The following PDE1B variants were observed in gnomAD, a reference collection of about 807,000 sequenced individuals.
PDE1B encodes dual specificity calcium/calmodulin-dependent 3',5'-cyclic nucleotide phosphodiesterase 1B.
PDE1B carries 13 observed loss-of-function variants against 66.7 expected under a neutral mutation model. The observed-to-expected ratio is 0.19, with a 90% confidence interval of 0.13 to 0.31. The LOEUF (loss-of-function observed/expected upper bound fraction) is 0.31, where lower values mean the gene tolerates loss of function less well. PDE1B is among the 10% of genes least tolerant of loss of function. The probability of loss-of-function intolerance (pLI) is 1.00; values close to 1 mark genes in which losing one functional copy is unlikely to be tolerated. For synonymous variants in PDE1B, 230 were observed against 253.9 expected (o/e 0.91, Z 0.90); for missense variants, 485 against 682.3 (o/e 0.71, Z 3.22).
intron 3 of PDE1B, among the ~76,000 whole-genome samples, chr12:54,568,735 G>T (rs1370175023): frequency 6.6e-6 from 1 of 151,962 alleles, no homozygotes; most frequent in Non-Finnish European, 1.5e-5. Flanking sequence ...GGCGGAGGTT[G>T]CAGTGAGCCA....
chr12:54,555,497 T>A (rs532310167), intron 2 of PDE1B, among the ~76,000 whole-genome samples: 3 of 152,228 alleles, frequency 2.0e-5, no homozygotes, highest in African/African-American at 7.2e-5. Context: ...GAAGGCCAGG[T>A]GAGATGCTCA....
At chr12:54,556,205 A>G (rs1383413188) in intron 2 of PDE1B, among the ~76,000 whole-genome samples, 1 of 152,194 alleles carries the variant, frequency 6.6e-6, no homozygotes, top group East Asian at 1.9e-4. Flanking sequence ...GGACAAAACC[A>G]GGACAGCAGG....
intron 2 of PDE1B, among the ~76,000 whole-genome samples, chr12:54,558,127 G>C (rs1957364256): frequency 6.6e-6 from 1 of 152,120 alleles, no homozygotes; most frequent in South Asian, 2.1e-4. Context: ...CTGGTCAGAA[G>C]GCACAGGCAC....
intron 2 of PDE1B, among the ~76,000 whole-genome samples, chr12:54,559,781 T>C (rs142861199): frequency 2.3e-4 from 35 of 152,180 alleles, no homozygotes; most frequent in Middle Eastern, 3.4e-3. Flanking sequence ...TTGGCTAGAG[T>C]GGCAGGGTCT....
intron 3 of PDE1B, among the ~76,000 whole-genome samples, chr12:54,568,342 G>A (rs1402202453): frequency 2.0e-5 from 3 of 151,900 alleles, no homozygotes; most frequent in Non-Finnish European, 4.4e-5. Context: ...TGCATCTGTA[G>A]TCCCAGCTAC....
At chr12:54,570,773 T>G (rs1036083362) in intron 6 of PDE1B, 1 of 191,804 alleles carries the variant, frequency 5.2e-6, no homozygotes, top group African/African-American at 2.3e-5. Flanking sequence ...CTGGTCTCTG[T>G]GCAAGGAATT....
intron 2 of PDE1B, among the ~76,000 whole-genome samples, chr12:54,553,158 C>G (rs1388077229): frequency 4.0e-5 from 3 of 75,870 alleles, no homozygotes; most frequent in Non-Finnish European, 9.1e-5. Context: ...TCTGTATTCC[C>G]TGTTTTGCTA....
chr12:54,570,547 A>C, intron 6 of PDE1B, 190 bp downstream of exon 6: 2 of 570,406 alleles, frequency 3.5e-6, no homozygotes, highest in Non-Finnish European at 6.3e-6. Flanking sequence ...GACTTCATTA[A>C]TTGATTTCTA....
chr12:54,573,101 A>C lies in PDE1B; in HGVS notation c.736-47A>C. The C allele has an allele frequency of 4.3e-6, 6 of 1,379,814 alleles. No homozygotes were observed. Among genetic ancestry groups the C allele is most frequent in the Non-Finnish European group, 6.2e-6 (6 of 966,744 alleles). The allele number at this position is 1,379,814 out of a possible 1,614,324, so 85.5% of individuals were successfully genotyped here. A position where few individuals can be genotyped will look rare whatever the true frequency, so the allele number is the denominator to read the frequency against. ...TGTGTGTGGAGGTTCCTGGGAAGTG[A>C]CCAGCAGGCGTCACCCCTCTCTCAT... On this transcript the variant is annotated intron_variant, in intron 7 of 15. Transcript: ENST00000243052. This position sits in a 1 kb window ranked among gnomAD's most constrained non-coding sequence, Gnocchi z 5.2.
At chr12:54,560,882 C>G (rs1267443403) in intron 2 of PDE1B, among the ~76,000 whole-genome samples, 1 of 152,090 alleles carries the variant, frequency 6.6e-6, no homozygotes, top group African/African-American at 2.4e-5. Flanking sequence ...TTTCTATGAG[C>G]GAGTTCTCTT....
intron 2 of PDE1B, among the ~76,000 whole-genome samples, chr12:54,553,141 A>G (rs953923563): frequency 6.9e-6 from 1 of 144,820 alleles, no homozygotes; most frequent in African/African-American, 2.6e-5. Context: ...GTAGAGAGGC[A>G]GGGGGCTCTG....
At position 54,575,684 on chromosome 12, in the gene PDE1B, T is replaced by C. The variant is rs753888083; in HGVS notation, c.1267+52T>C. On this transcript the variant is annotated intron_variant, in intron 12 of 15. Transcript: ENST00000243052. The surrounding 1 kb of genome is among the most constrained non-coding windows in gnomAD (Gnocchi z 4.0). ...GAGGACTGGGAGGGGGAAAAGATGC[T>C]GCCTGGGTCAGGATTGCTCCAAGTC... The C allele has an allele frequency of 3.1e-6, 4 of 1,284,410 alleles. No individual in the cohort carries two copies. Among genetic ancestry groups the C allele is most frequent in the Non-Finnish European group, 4.5e-6 (4 of 887,352 alleles). The allele number at this position is 1,284,410 out of a possible 1,614,324, so 79.6% of individuals were successfully genotyped here.
intron 2 of PDE1B, among the ~76,000 whole-genome samples, chr12:54,560,425 C>T (rs1957390039): frequency 2.0e-5 from 3 of 152,164 alleles, no homozygotes; most frequent in Admixed American, 2.0e-4. Context: ...CCACATCACC[C>T]GCAGCCATAG....
At position 54,579,105 on chromosome 12, in the gene PDE1B, G is replaced by T; in HGVS notation, c.*1263G>T. 1 of 217,674 alleles carries T rather than the reference G, an allele frequency of 4.6e-6. No individual in the cohort carries two copies. The highest frequency in any genetic ancestry group is 7.8e-6 in the Non-Finnish European group (1 of 128,088). The allele number at this position is 217,674 out of a possible 1,614,324, so 13.5% of individuals were successfully genotyped here. ...TGTTCATGCGAAATCCACATCCATG[G>T]TCTCCTAGACCTGCTACCCTGGTAC... On this transcript the variant is annotated 3_prime_UTR_variant, in exon 16 of 16. Coordinates refer to ENST00000243052, the MANE Select transcript of PDE1B (RefSeq NM_000924.4).
chr12:54,561,370 C>A, intron 2 of PDE1B: 3 of 869,850 alleles, frequency 3.4e-6, no homozygotes, highest in Non-Finnish European at 4.6e-6. Context: ...GCAGCCTCCC[C>A]TCTCACCCAG....
At chr12:54,554,319 A>G (rs911199680) in intron 2 of PDE1B, 7 of 152,242 alleles carry the variant, frequency 4.6e-5, no homozygotes, top group African/African-American at 1.7e-4. Flanking sequence ...AGATTGCAGC[A>G]TAAACTATGG....
At position 54,549,852 on chromosome 12, in the gene PDE1B, T is replaced by C. The variant is rs746513256; in HGVS notation, c.-13-8T>C. On this transcript the variant is annotated splice_polypyrimidine_tract_variant and splice_region_variant and intron_variant, in intron 1 of 15. Transcript: ENST00000243052. ...GCCGAGGTGCTGTCTCCTCCTTCTG[T>C]TCCGTAGACCGTGGCTGAGCATGGA... 1 of 1,590,974 alleles carries C rather than the reference T, an allele frequency of 6.3e-7. No individual in the cohort carries two copies. The highest frequency in any genetic ancestry group is 8.6e-7 in the Non-Finnish European group (1 of 1,159,686).
chr12:54,557,604 A>T (rs1334004496), intron 2 of PDE1B, among the ~76,000 whole-genome samples: 3 of 152,182 alleles, frequency 2.0e-5, no homozygotes, highest in African/African-American at 7.2e-5. Context: ...CCAGACCCAA[A>T]TCCTGCTGAT....
In PDE1B at chr12:54,578,695, T is replaced by G. The variant is rs1957812150; in HGVS notation, c.*853T>G. ...ATCCGACCAATGTCTGTAAAGTGCT[T>G]TGAGGATCTCCCCAGCAAAGCACCT... On this transcript the variant is annotated 3_prime_UTR_variant, in exon 16 of 16. Transcript: ENST00000243052. 1 of 152,256 alleles carries G rather than the reference T, an allele frequency of 6.6e-6. No homozygotes were observed. Among genetic ancestry groups the G allele is most frequent in the East Asian group, 1.9e-4 (1 of 5,156 alleles). The allele number at this position is 152,256 out of a possible 1,614,324, so 9.4% of individuals were successfully genotyped here.
Sources: gnomAD v4.1 joint callset for allele counts (sites outside exome capture counted in the v4.1 genomes callset) on GRCh38, gnomAD v4.1.1 for gene constraint, Gnocchi (gnomAD v3.1) non-coding constraint, MANE v1.5 for transcripts, NCBI Gene and HGNC (gene_info 2026-07-23, HGNC 2026-07-21) for gene names.